CREBBP: variants seen among roughly 807,000 people sequenced by gnomAD.
CREBBP encodes the protein CREB-binding protein.
A neutral mutation model predicts 265.0 loss-of-function variants in CREBBP; 19 were observed. The ratio of observed to expected loss-of-function variants is 0.07; its 90% CI spans 0.05 to 0.11. The LOEUF (loss-of-function observed/expected upper bound fraction) is 0.11, where lower values mean the gene tolerates loss of function less well. Among genes scored for constraint, CREBBP ranks in the 10% least tolerant of loss-of-function variants. The probability of loss-of-function intolerance (pLI) is 1.00; values close to 1 mark genes in which losing one functional copy is unlikely to be tolerated. For missense variants in CREBBP, 2,525 were observed against 3,219.0 expected (o/e 0.78, Z 5.22); for synonymous variants, 1,457 against 1,223.7 (o/e 1.19, Z -3.98).
At chr16:3,755,809 T>C (rs964425608) in intron 19 of CREBBP, among the ~76,000 whole-genome samples, 65 of 152,184 alleles carry the variant, frequency 4.3e-4, no homozygotes, top group East Asian at 3.9e-4. Flanking sequence ...AGCAGGACAA[T>C]TGCACACGCT....
intron 2 of CREBBP, among the ~76,000 whole-genome samples, chr16:3,847,423 T>C (rs762471894): frequency 6.6e-5 from 10 of 152,232 alleles, no homozygotes; most frequent in Admixed American, 3.3e-4. Flanking sequence ...TGGTTTAAAA[T>C]GGACTTGTCT....
chr16:3,835,675 G>A (rs2054432871), intron 2 of CREBBP, among the ~76,000 whole-genome samples: 1 of 150,352 alleles, frequency 6.7e-6, no homozygotes, highest in Non-Finnish European at 1.5e-5. Flanking sequence ...CGCCTCCCAG[G>A]TTCACGCCAT....
At chr16:3,849,133 G>C (rs988908644) in intron 2 of CREBBP, among the ~76,000 whole-genome samples, 1 of 152,122 alleles carries the variant, frequency 6.6e-6, no homozygotes, top group Non-Finnish European at 1.5e-5. Flanking sequence ...GCCTGAAGAC[G>C]TGCCTGGTGG....
At chr16:3,879,369 C>A (rs998820951) in intron 1 of CREBBP, among the ~76,000 whole-genome samples, 1 of 152,214 alleles carries the variant, frequency 6.6e-6, no homozygotes, top group Non-Finnish European at 1.5e-5. Context: ...TGAGTGTCCT[C>A]TGAATGCAGC....
At chr16:3,875,375 T>C (rs1424261704) in intron 1 of CREBBP, among the ~76,000 whole-genome samples, 1 of 152,184 alleles carries the variant, frequency 6.6e-6, no homozygotes, top group African/African-American at 2.4e-5. Context: ...ACAACTTTTA[T>C]TCCTACTTAG....
At chr16:3,795,746 G>C (rs993368422) in intron 3 of CREBBP, among the ~76,000 whole-genome samples, 4 of 152,092 alleles carry the variant, frequency 2.6e-5, no homozygotes, top group African/African-American at 9.7e-5. Flanking sequence ...AAGGTCCATC[G>C]AGAAATCAAC....
intron 1 of CREBBP, among the ~76,000 whole-genome samples, chr16:3,856,055 A>C (rs1313870480): frequency 1.3e-5 from 2 of 152,234 alleles, no homozygotes; most frequent in Non-Finnish European, 2.9e-5. Context: ...GTAACCCCTT[A>C]ATATATACAA....
chr16:3,811,857 A>G (rs767085213), intron 2 of CREBBP, among the ~76,000 whole-genome samples: 1 of 152,198 alleles, frequency 6.6e-6, no homozygotes, highest in Non-Finnish European at 1.5e-5. Flanking sequence ...GATACAGTAT[A>G]TAACACATAA....
intron 3 of CREBBP, 75 bp downstream of exon 3, chr16:3,810,528 T>G (rs2053917196): frequency 1.3e-6 from 2 of 1,544,708 alleles, no homozygotes; most frequent in African/African-American, 1.4e-5. Context: ...AGACTTTCAC[T>G]GTGAGAATGG....
At chr16:3,846,099 C>G (rs1424147422) in intron 2 of CREBBP, among the ~76,000 whole-genome samples, 1 of 151,990 alleles carries the variant, frequency 6.6e-6, no homozygotes, top group Non-Finnish European at 1.5e-5. Context: ...CCTGGTGAAA[C>G]AGACTATGGC....
intron 2 of CREBBP, among the ~76,000 whole-genome samples, chr16:3,846,426 A>T (rs1255793136): frequency 6.6e-6 from 1 of 152,248 alleles, no homozygotes; most frequent in Non-Finnish European, 1.5e-5. Flanking sequence ...AAATCTCAGT[A>T]TCTTTTAATT....
At chr16:3,786,441 T>TA (rs1450562599) in intron 5 of CREBBP, among the ~76,000 whole-genome samples, 1 of 152,204 alleles carries the variant, frequency 6.6e-6, no homozygotes, top group Non-Finnish European at 1.5e-5. Context: ...AGAACTCAGT[T>TA]ACTCAGACAA....
chr16:3,874,602 C>T (rs1780676504), intron 1 of CREBBP, among the ~76,000 whole-genome samples: 1 of 152,168 alleles, frequency 6.6e-6, no homozygotes, highest in Non-Finnish European at 1.5e-5. Context: ...TGCTCTCTGG[C>T]CCTTTGCAGA....
At chr16:3,839,989 A>T (rs2054535778) in intron 2 of CREBBP, among the ~76,000 whole-genome samples, 1 of 152,138 alleles carries the variant, frequency 6.6e-6, no homozygotes, top group South Asian at 2.1e-4. Flanking sequence ...TCATAATAAG[A>T]TCCCTGAGCC....
At chr16:3,769,375 T>C (rs375855542) in intron 14 of CREBBP, 22 bp from the exon 15 acceptor site, 1 of 1,614,080 alleles carries the variant, frequency 6.2e-7, no homozygotes, top group Middle Eastern at 1.6e-4. Context: ...CCGAAAGCAC[T>C]GACTTCAGTA....
intron 2 of CREBBP, 131 bp downstream of exon 2, chr16:3,850,166 C>A (rs1047528574): frequency 2.3e-6 from 2 of 854,724 alleles, no homozygotes; most frequent in Non-Finnish European, 4.0e-6. Flanking sequence ...CTGTCTCTTC[C>A]AAGCATGAGT....
chr16:3,862,158 A>G (rs549074407), intron 1 of CREBBP, among the ~76,000 whole-genome samples: 1 of 152,342 alleles, frequency 6.6e-6, no homozygotes, highest in Non-Finnish European at 1.5e-5. Context: ...CGTATGTCAT[A>G]TTTTACAGCC....
intron 3 of CREBBP, among the ~76,000 whole-genome samples, chr16:3,798,744 G>C (rs1434760697): frequency 6.6e-6 from 1 of 152,212 alleles, no homozygotes; most frequent in Admixed American, 6.5e-5. Flanking sequence ...GAATGTAGAA[G>C]GCAGCAGCCA....
At chr16:3,860,913 A>C (rs886305694) in intron 1 of CREBBP, among the ~76,000 whole-genome samples, 1 of 152,016 alleles carries the variant, frequency 6.6e-6, no homozygotes, top group Non-Finnish European at 1.5e-5. Context: ...TACTCAACCA[A>C]GCCCTGGTTC....
Sources: allele counts gnomAD v4.1 joint callset (sites outside exome capture counted in the v4.1 genomes callset), GRCh38; gene constraint gnomAD v4.1.1; transcripts MANE v1.5; gene names NCBI Gene and HGNC (gene_info 2026-07-23, HGNC 2026-07-21).